The following RAB2B variants were observed in gnomAD, a reference collection of about 807,000 sequenced individuals.
The protein encoded by RAB2B is ras-related protein Rab-2B.
A neutral mutation model predicts 29.8 loss-of-function variants in RAB2B; 20 were observed. The observed-to-expected ratio is 0.67, with a 90% CI of 0.47 to 0.97. The LOEUF is 0.97. Among genes scored for constraint, RAB2B ranks in the 50% least tolerant of loss-of-function variants. The pLI is 0.00. For synonymous variants in RAB2B, 93 were observed against 91.7 expected (o/e 1.01, Z -0.08); for missense variants, 218 against 272.0 (o/e 0.80, Z 1.40).
Position 21,459,131 on chromosome 14 carries a change from A to C in RAB2B, c.*2065T>G, listed in dbSNP as rs1890477564. 1 of 152,624 alleles carries C rather than the reference A, an allele frequency of 6.6e-6. No homozygotes were observed. Among genetic ancestry groups the C allele is most frequent in the South Asian group, 2.1e-4 (1 of 4,836 alleles). The allele number at this position is 152,624 out of a possible 1,614,324, so 9.5% of individuals were successfully genotyped here. On this transcript the variant is annotated 3_prime_UTR_variant, in exon 8 of 8. Transcript: ENST00000397762. ...GTGGAAGAGAACGGGACATCAAGGAAAAAAGATATATATAGCAACCAACCC... is the reference window on the plus strand; with the variant it reads ...GTGGAAGAGAACGGGACATCAAGGACAAAAGATATATATAGCAACCAACCC...
chr14:21,468,143 C>T (rs575173349), intron 5 of RAB2B, among the ~76,000 whole-genome samples: 1 of 152,126 alleles, frequency 6.6e-6, no homozygotes, highest in East Asian at 1.9e-4. Context: ...TTGGTGATGG[C>T]TGTGGAACAA....
chr14:21,471,096 C>A (rs1890801604), intron 3 of RAB2B, among the ~76,000 whole-genome samples: 1 of 151,648 alleles, frequency 6.6e-6, no homozygotes, highest in African/African-American at 2.4e-5. Flanking sequence ...CTGCTTGAGC[C>A]CGGGAGGCAG....
In RAB2B at chr14:21,460,931, T is replaced by C; in HGVS notation, c.*265A>G. ...CCCCGCCATGAAATTATTTTTTAACTACTGTGATAATCAACTTTGATCCTA... is the reference window on the plus strand; with the variant it reads ...CCCCGCCATGAAATTATTTTTTAACCACTGTGATAATCAACTTTGATCCTA... On this transcript the variant is annotated 3_prime_UTR_variant, in exon 8 of 8. Transcript: ENST00000397762. The C allele has an allele frequency of 8.0e-6, 2 of 249,490 alleles. No individual in the cohort carries two copies. The highest frequency in any genetic ancestry group is 7.6e-6 in the Non-Finnish European group (1 of 130,986). The allele number at this position is 249,490 out of a possible 1,614,324, so 15.5% of individuals were successfully genotyped here.
chr14:21,476,563 T>A lies in RAB2B; in HGVS notation c.83A>T (p.Asp28Val). The part of the protein sequence containing the change: ...GKSCLLLQFT[D>V]KRFQPVHDLT... ...GTCGTGGACAGGCTGGAACCGCTTA[T>A]CTGTAAACTGCAGGAGGAGACATGA... The change falls in exon 2 of 8, where the codon GAT becomes GTT. Residue 28 changes from aspartate (D) to valine (V), a missense_variant. By Grantham distance (152) the Asp-to-Val change is radical. Coordinates refer to ENST00000397762, the MANE Select transcript of RAB2B (RefSeq NM_032846.4). 1 of 1,613,714 alleles carries A rather than the reference T, an allele frequency of 6.2e-7. No individual in the cohort carries two copies. Among genetic ancestry groups the A allele is most frequent in the Non-Finnish European group, 8.5e-7 (1 of 1,180,006 alleles).
chr14:21,460,405 T>C lies in RAB2B; in HGVS notation c.*791A>G. 4.7e-6 allele frequency: 2 copies of C among 428,688 alleles called. No individual in the cohort carries two copies. Among genetic ancestry groups the C allele is most frequent in the Non-Finnish European group, 9.2e-6 (2 of 216,576 alleles). 26.6% of individuals were successfully genotyped at this position (428,688 alleles called of 1,614,324 possible). ...ATCAAGACCATCCTGGCCAACATGG[T>C]GAAACCCTGTCTCTACTAAAAATAC... On this transcript the variant is annotated 3_prime_UTR_variant, in exon 8 of 8. Transcript: ENST00000397762.
chr14:21,461,033 A>T lies in RAB2B; in HGVS notation c.*163T>A. 1.9e-6 allele frequency: 1 copy of T among 538,276 alleles called. No homozygotes were observed. Among genetic ancestry groups the T allele is most frequent in the East Asian group, 3.2e-5 (1 of 31,592 alleles). 33.3% of individuals were successfully genotyped at this position (538,276 alleles called of 1,614,324 possible). On this transcript the variant is annotated 3_prime_UTR_variant, in exon 8 of 8. Coordinates refer to ENST00000397762, the MANE Select transcript of RAB2B (RefSeq NM_032846.4). ...AATGCTCATGTCCCTGAAGGAGGAC[A>T]GGTCAGTAAGGGCCCAAATTCTCTC... is the stretch of plus-strand genomic sequence containing the variant.
Position 21,468,443 on chromosome 14 carries a change from T to C in RAB2B, c.276A>G (p.Glu92=), listed in dbSNP as rs1890733960. ...ACCATGAGGTCAGGTGGTTGAAGGTTTCACGCCTACAGCAGAAAAATTTAG... is the reference window on the plus strand; with the variant it reads ...ACCATGAGGTCAGGTGGTTGAAGGTCTCACGCCTACAGCAGAAAAATTTAG... ...ALLVYDITRR[E]TFNHLTSWLE... The change falls in exon 5 of 8, where the codon GAA becomes GAG. Residue 92 remains glutamate, a synonymous_variant. Transcript: ENST00000397762. 3 of 1,613,884 alleles carry C rather than the reference T, an allele frequency of 1.9e-6. No homozygotes were observed. Among genetic ancestry groups the C allele is most frequent in the African/African-American group, 1.3e-5 (1 of 74,970 alleles).
At position 21,459,970 on chromosome 14, in the gene RAB2B, T is replaced by C. The variant is rs776481936; in HGVS notation, c.*1226A>G. 1.2e-5 allele frequency: 4 copies of C among 335,312 alleles called. No individual in the cohort carries two copies. The highest frequency in any genetic ancestry group is 2.4e-5 in the Non-Finnish European group (4 of 167,486). 20.8% of individuals were successfully genotyped at this position (335,312 alleles called of 1,614,324 possible). On this transcript the variant is annotated 3_prime_UTR_variant, in exon 8 of 8. Transcript: ENST00000397762. Reference sequence around the variant, plus strand: ...ATGAACAGGGAACAAATGTTTTCTTTAGGTAATAATAAGTGGCCACATGTC... The same window carrying C: ...ATGAACAGGGAACAAATGTTTTCTTCAGGTAATAATAAGTGGCCACATGTC...
rs1320537592 is a variant in RAB2B at position 21,474,901 on chromosome 14, T to A, written c.152A>T (p.Asp51Val). Residue 51 changes from aspartate (D) to valine (V), a missense_variant, in exon 3 of 8, where the codon GAT becomes GTT. Physicochemically the swap from Asp to Val is radical, Grantham distance 152 (BLOSUM62 -3). Coordinates refer to ENST00000397762, the MANE Select transcript of RAB2B (RefSeq NM_032846.4). ...GATTTGCAGTTTGATTTGTTTTCCA[T>A]CAATGTTGACCATACGAGCTCCAAA... ...VEFGARMVNIDGKQIKLQIWD... is the reference protein window; with the variant it reads ...VEFGARMVNIVGKQIKLQIWD... 6.2e-7 allele frequency: 1 copy of A among 1,614,100 alleles called. No homozygotes were observed. Among genetic ancestry groups the A allele is most frequent in the Non-Finnish European group, 8.5e-7 (1 of 1,179,970 alleles).
Position 21,460,726 on chromosome 14 carries a change from G to A in RAB2B, c.*470C>T, listed in dbSNP as rs531729749. Reference sequence around the variant, plus strand: ...CCTCCTGGGTTCAAGCGATTCTCCTGCCTTGGCCTCCCGAGTACCTGGGAT... The same window carrying A: ...CCTCCTGGGTTCAAGCGATTCTCCTACCTTGGCCTCCCGAGTACCTGGGAT... On this transcript the variant is annotated 3_prime_UTR_variant, in exon 8 of 8. Transcript: ENST00000397762. 1 of 152,806 alleles carries A rather than the reference G, an allele frequency of 6.5e-6. No individual in the cohort carries two copies. Among genetic ancestry groups the A allele is most frequent in the Admixed American group, 6.5e-5 (1 of 15,310 alleles). The allele number at this position is 152,806 out of a possible 1,614,324, so 9.5% of individuals were successfully genotyped here. A position where few individuals can be genotyped will look rare whatever the true frequency, so the allele number is the denominator to read the frequency against.
intron 5 of RAB2B, among the ~76,000 whole-genome samples, chr14:21,467,731 A>G (rs1333380447): frequency 6.6e-6 from 1 of 152,194 alleles, no homozygotes; most frequent in Non-Finnish European, 1.5e-5. Flanking sequence ...TACCCAAAAG[A>G]ATTCAGAGCT....
rs558132039 is a variant in RAB2B, at chr14:21,468,029, G to A, written c.362+328C>T. ...GTCAAATTCATAAAGTAGAATGATG[G>A]CTGTCAGGGGCTGAGGGATGAGGGG... On this transcript the variant is annotated intron_variant, in intron 5 of 7. Coordinates refer to ENST00000397762, the MANE Select transcript of RAB2B (RefSeq NM_032846.4). Among the ~76,000 whole-genome samples, 3 of 152,166 alleles carry A rather than the reference G, an allele frequency of 2.0e-5. No homozygotes were observed. The East Asian group carries it at 5.8e-4, about 29-fold the overall frequency.
chr14:21,476,549 G>A lies in RAB2B; in HGVS notation c.97C>T (p.Pro33Ser), dbSNP rs1208240033. 6.2e-7 allele frequency: 1 copy of A among 1,613,736 alleles called. No individual in the cohort carries two copies. Among genetic ancestry groups the A allele is most frequent in the Non-Finnish European group, 8.5e-7 (1 of 1,179,982 alleles). Residue 33 changes from proline (P) to serine (S), a missense_variant, in exon 2 of 8, where the codon CCT becomes TCT. Transcript: ENST00000397762. Reference protein sequence around the residue: ...LLQFTDKRFQPVHDLTIGVEF... With the variant: ...LLQFTDKRFQSVHDLTIGVEF... ...TTACCTATTGTGAGGTCGTGGACAG[G>A]CTGGAACCGCTTATCTGTAAACTGC... is the stretch of plus-strand genomic sequence containing the variant.
rs1890734442 is a variant in RAB2B at position 21,468,453 on chromosome 14, C to T, written c.270-4G>A. On this transcript the variant is annotated splice_polypyrimidine_tract_variant and splice_region_variant and intron_variant, in intron 4 of 7. Coordinates refer to ENST00000397762, the MANE Select transcript of RAB2B (RefSeq NM_032846.4). ...CAGGTGGTTGAAGGTTTCACGCCTA[C>T]AGCAGAAAAATTTAGAATGTGGGTC... The T allele has an allele frequency of 6.2e-7, 1 of 1,613,314 alleles. No homozygotes were observed. Among genetic ancestry groups the T allele is most frequent in the Non-Finnish European group, 8.5e-7 (1 of 1,179,598 alleles).
chr14:21,461,689 T>A (rs1594406199), intron 7 of RAB2B, among the ~76,000 whole-genome samples: 1 of 152,152 alleles, frequency 6.6e-6, no homozygotes, highest in Non-Finnish European at 1.5e-5. Context: ...CCTCAAGTGA[T>A]CCTGCCTCAG....
At chr14:21,476,776 G>A in intron 1 of RAB2B, 51 bp downstream of exon 1, 1 of 1,607,092 alleles carries the variant, frequency 6.2e-7, no homozygotes, top group Admixed American at 1.7e-5. Context: ...ACCCAATTTG[G>A]GAGCTTCGAA....
chr14:21,465,408 A>T (rs1009091293), intron 5 of RAB2B, among the ~76,000 whole-genome samples: 1 of 152,232 alleles, frequency 6.6e-6, no homozygotes, highest in Non-Finnish European at 1.5e-5. Flanking sequence ...GCCAAAAACC[A>T]AAGTGTTATT....
At chr14:21,468,268 C>A in intron 5 of RAB2B, 89 bp downstream of exon 5, 5 of 981,178 alleles carry the variant, frequency 5.1e-6, no homozygotes, top group South Asian at 1.6e-5. Flanking sequence ...ACACTAAGAC[C>A]ACTATAAACT....
At position 21,460,585 on chromosome 14, in the gene RAB2B, CCAAAAAAAAAAA is replaced by C. The variant is rs1413091076; in HGVS notation, c.*599_*610del. The C allele has an allele frequency of 4.3e-5, 4 of 92,954 alleles. 1 individual carries two copies. Among genetic ancestry groups the C allele is most frequent in the Non-Finnish European group, 7.9e-5 (4 of 50,474 alleles). 5.8% of individuals were successfully genotyped at this position (92,954 alleles called of 1,614,324 possible). A position where few individuals can be genotyped will look rare whatever the true frequency, so the allele number is the denominator to read the frequency against. On this transcript the variant is annotated 3_prime_UTR_variant, in exon 8 of 8. Transcript: ENST00000397762. ...GGAGACAGAGTGAGACTCCATCCCCCCAAAAAAAAAAAAAAAAAAAGAAAAAAAAAATTATTT... is the reference window on the plus strand; with the variant it reads ...GGAGACAGAGTGAGACTCCATCCCCCAAAAAAAAGAAAAAAAAAATTATTT...
Sources: gnomAD v4.1 joint callset for allele counts (sites outside exome capture counted in the v4.1 genomes callset) on GRCh38, gnomAD v4.1.1 for gene constraint, MANE v1.5 for transcripts, NCBI Gene and HGNC (gene_info 2026-07-23, HGNC 2026-07-21) for gene names.